Variants in CDH6 observed in about 807,000 individuals in gnomAD.
CDH6 encodes cadherin 6, also known as cadherin-6.
A neutral mutation model predicts 78.0 loss-of-function variants in CDH6; 31 were observed. The observed-to-expected ratio is 0.40, with a 90% CI of 0.30 to 0.54. CDH6 has a LOEUF of 0.54. Ranked by LOEUF, CDH6 falls within the 20% of genes least tolerant of loss-of-function variation. The pLI, the probability that CDH6 is intolerant of heterozygous loss-of-function variation, is 0.56. For missense variants in CDH6, 724 were observed against 975.9 expected (o/e 0.74, Z 3.44); for synonymous variants, 376 against 368.8 (o/e 1.02, Z -0.23).
rs1554035032 is a variant in CDH6, at chr5:31,199,685, G to GTATATATATATATA, written c.-129+5817_-129+5830dup. On this transcript the variant is annotated intron_variant, in intron 1 of 11. Transcript: ENST00000265071. The stretch of plus-strand genomic sequence containing the variant: ...TGTGTGTGTATGTGTGTGTGTGTGT[G>GTATATATATATATA]TATATATATATATATATATATATAT... Among the ~76,000 whole-genome samples the GTATATATATATATA allele has an allele frequency of 4.4e-3, 354 of 79,786 alleles. 5 individuals carry two copies. The highest frequency in any genetic ancestry group is 0.023 in the East Asian group (49 of 2,092). The allele number at this position is 79,786 out of a possible 152,430, so 52.3% of individuals were successfully genotyped here.
At chr5:31,293,674 A>C (rs557769962) in intron 2 of CDH6, among the ~76,000 whole-genome samples, 13 of 152,232 alleles carry the variant, frequency 8.5e-5, no homozygotes, top group African/African-American at 3.1e-4. Context: ...GTCCTTGGCC[A>C]CCTTGCTATT....
At chr5:31,258,695 T>G (rs1335883681) in intron 1 of CDH6, among the ~76,000 whole-genome samples, 1 of 152,124 alleles carries the variant, frequency 6.6e-6, no homozygotes, top group East Asian at 1.9e-4. Flanking sequence ...AAGACTTCCA[T>G]GTGTGTAGAG....
chr5:31,251,976 A>G (rs984585720), intron 1 of CDH6: 1 of 152,214 alleles, frequency 6.6e-6, no homozygotes, highest in African/African-American at 2.4e-5. Flanking sequence ...ATATAGCTGA[A>G]GCTGTATTTT....
chr5:31,310,895 T>A (rs1235286601), intron 7 of CDH6, among the ~76,000 whole-genome samples: 1 of 151,976 alleles, frequency 6.6e-6, no homozygotes, highest in African/African-American at 2.4e-5. Flanking sequence ...CATAAAACCA[T>A]TTTTTTTCCT....
At chr5:31,274,871 G>T (rs1402373393) in intron 2 of CDH6, among the ~76,000 whole-genome samples, 1 of 152,136 alleles carries the variant, frequency 6.6e-6, no homozygotes, top group Non-Finnish European at 1.5e-5. Flanking sequence ...AGAGTGAAGA[G>T]TTTGGATCCT....
chr5:31,214,240 CTCAA>C (rs1740803106), intron 1 of CDH6, among the ~76,000 whole-genome samples: 1 of 151,768 alleles, frequency 6.6e-6, no homozygotes, highest in Admixed American at 6.6e-5. Context: ...TGTCAAACAA[CTCAA>C]TCACTCTTGT....
chr5:31,296,150 C>T (rs1737589355), intron 3 of CDH6, among the ~76,000 whole-genome samples: 1 of 152,084 alleles, frequency 6.6e-6, no homozygotes, highest in Non-Finnish European at 1.5e-5. Context: ...TGTAGAATTC[C>T]TAATATTCCC....
intron 11 of CDH6, among the ~76,000 whole-genome samples, chr5:31,319,837 T>C (rs1253241961): frequency 7.2e-5 from 11 of 152,242 alleles, no homozygotes; most frequent in Admixed American, 7.2e-4. Flanking sequence ...TCATGTCTTA[T>C]GGTGCCTTAG....
At chr5:31,270,842 T>C (rs745535681) in intron 2 of CDH6, among the ~76,000 whole-genome samples, 2 of 152,064 alleles carry the variant, frequency 1.3e-5, no homozygotes, top group African/African-American at 4.8e-5. Context: ...ACTACAGACA[T>C]GAACCACCAC....
chr5:31,322,946 G>T lies in CDH6; in HGVS notation c.2011G>T (p.Ala671Ser), dbSNP rs1313126729. The T allele has an allele frequency of 1.1e-5, 17 of 1,614,104 alleles. No individual in the cohort carries two copies. Among genetic ancestry groups the T allele is most frequent in the Non-Finnish European group, 1.3e-5 (15 of 1,179,996 alleles). The change falls in exon 12 of 12, where the codon GCT becomes TCT. Residue 671 changes from alanine to serine, a missense_variant. Transcript: ENST00000265071. ...AGGTGGTGGAGAGGAGGACACCCAGGCTTTTGATATCGGCACCCTGAGGAA... is the reference window on the plus strand; with the variant it reads ...AGGTGGTGGAGAGGAGGACACCCAGTCTTTTGATATCGGCACCCTGAGGAA... ...DEGGGEEDTQAFDIGTLRNPE... is the reference protein window; with the variant it reads ...DEGGGEEDTQSFDIGTLRNPE...
chr5:31,302,903 A>AAAAGAGAAAG (rs1737842711), intron 6 of CDH6, among the ~76,000 whole-genome samples: 1 of 90,424 alleles, frequency 1.1e-5, no homozygotes, highest in Admixed American at 1.3e-4. Context: ...AAGAAAGAAA[A>AAAAGAGAAAG]AAAGAAAGAA....
chr5:31,208,528 T>C (rs896625700), intron 1 of CDH6, among the ~76,000 whole-genome samples: 19 of 152,228 alleles, frequency 1.2e-4, no homozygotes, highest in African/African-American at 4.6e-4. Flanking sequence ...ATTGAGTGTC[T>C]TATAGGGAAG....
intron 2 of CDH6, among the ~76,000 whole-genome samples, chr5:31,287,976 G>A (rs1269349893): frequency 6.6e-6 from 1 of 152,184 alleles, no homozygotes; most frequent in Non-Finnish European, 1.5e-5. Context: ...CGGATATGAG[G>A]TTATTCTAGA....
intron 4 of CDH6, among the ~76,000 whole-genome samples, chr5:31,298,054 T>C (rs1737660482): frequency 1.3e-5 from 2 of 152,212 alleles, no homozygotes; most frequent in African/African-American, 4.8e-5. Context: ...CAAATCATTG[T>C]CTAGCCCATC....
At chr5:31,307,198 G>A (rs1738015224) in intron 7 of CDH6, among the ~76,000 whole-genome samples, 1 of 152,114 alleles carries the variant, frequency 6.6e-6, no homozygotes, top group African/African-American at 2.4e-5. Context: ...AGAAGCCACT[G>A]GAAACCTTTG....
At chr5:31,268,603 G>A (rs2149934067) in intron 2 of CDH6, among the ~76,000 whole-genome samples, 1 of 152,238 alleles carries the variant, frequency 6.6e-6, no homozygotes, top group East Asian at 1.9e-4. Context: ...AAAAATCATT[G>A]TCACACATCC....
intron 6 of CDH6, among the ~76,000 whole-genome samples, chr5:31,302,968 G>GAAAGAAGGAAGGAAAGA (rs1737871114): frequency 5.0e-5 from 6 of 119,022 alleles, no homozygotes; most frequent in African/African-American, 1.8e-4. Context: ...GGAAAGAAAA[G>GAAAGAAGGAAGGAAAGA]AAAGAAAGAA....
rs780559856 is a variant in CDH6, at chr5:31,323,194, G to A, written c.2259G>A (p.Leu753=). Residue 753 remains leucine, a synonymous_variant, in exon 12 of 12, where the codon CTG becomes CTA. Coordinates refer to ENST00000265071, the MANE Select transcript of CDH6 (RefSeq NM_004932.4). Reference sequence around the variant, plus strand: ...CCGTGGCGGATTCCCTGAGCTCGCTGGAGTCAGTGACCACGGATGCAGATC... The same window carrying A: ...CCGTGGCGGATTCCCTGAGCTCGCTAGAGTCAGTGACCACGGATGCAGATC... The part of the protein sequence containing the change: ...TGSVADSLSS[L]ESVTTDADQD... 24 of 1,614,046 alleles carry A rather than the reference G, an allele frequency of 1.5e-5. No homozygotes were observed. Among genetic ancestry groups the A allele is most frequent in the Non-Finnish European group, 1.9e-5 (23 of 1,180,040 alleles).
At chr5:31,196,445 G>T (rs1579801716) in intron 1 of CDH6, among the ~76,000 whole-genome samples, 1 of 152,234 alleles carries the variant, frequency 6.6e-6, no homozygotes, top group East Asian at 1.9e-4. Flanking sequence ...GAAATGTGTG[G>T]TCCCCCCTTC....
Sources: gnomAD v4.1 joint callset for allele counts (sites outside exome capture counted in the v4.1 genomes callset) on GRCh38, gnomAD v4.1.1 for gene constraint, MANE v1.5 for transcripts, NCBI Gene and HGNC (gene_info 2026-07-23, HGNC 2026-07-21) for gene names.